Variants in CEP120 observed in about 807,000 individuals in gnomAD.
CEP120 encodes centrosomal protein 120.
In CEP120, 113 loss-of-function variants were observed where a neutral mutation model predicts 126.5. The observed-to-expected ratio is 0.89, with a 90% CI of 0.77 to 1.04. The LOEUF (loss-of-function observed/expected upper bound fraction) is 1.04. CEP120 is among the 50% of genes least tolerant of loss of function. The probability of loss-of-function intolerance (pLI) is 0.00; values close to 1 mark genes in which losing one functional copy is unlikely to be tolerated. For synonymous variants in CEP120, 400 were observed against 394.3 expected, an observed-to-expected ratio of 1.01 and a Z score of -0.17; for missense variants, 1,230 against 1,155.7, an observed-to-expected ratio of 1.06 and a Z score of -0.93.
chr5:123,353,767 C>T (rs2126974933), intron 18 of CEP120, among the ~76,000 whole-genome samples: 1 of 151,924 alleles, frequency 6.6e-6, no homozygotes, highest in East Asian at 1.9e-4. Context: ...ATCCTCTTAT[C>T]TCTGTAAATG....
At position 123,377,425 on chromosome 5, in the gene CEP120, T is replaced by C. The variant is rs1173444646; in HGVS notation, c.2307A>G (p.Glu769=). 6.2e-7 allele frequency: 1 copy of C among 1,611,498 alleles called. No homozygotes were observed. The highest frequency in any genetic ancestry group is 8.5e-7 in the Non-Finnish European group (1 of 1,179,182). The change falls in exon 16 of 20, where the codon GAA becomes GAG. Residue 769 remains glutamate, a synonymous_variant. Transcript: ENST00000306467. The part of the protein sequence containing the change: ...KEDCIHQVEL[E]RLKIKQLEED... ...CTTCGAGCTGTTTGATTTTTAACCT[T>C]TCTAGTTCTACTTGGTGAATACAGT...
intron 7 of CEP120, chr5:123,390,352 T>C: frequency 1.6e-6 from 1 of 629,816 alleles, no homozygotes; most frequent in Non-Finnish European, 2.9e-6. Context: ...CAGAGCTGAA[T>C]ACCAAAATGC....
chr5:123,356,130 G>A (rs987973425), intron 18 of CEP120, among the ~76,000 whole-genome samples: 2 of 152,078 alleles, frequency 1.3e-5, no homozygotes, highest in African/African-American at 4.8e-5. Flanking sequence ...CTGTTCCATT[G>A]GTCTATATCT....
chr5:123,410,544 A>T (rs1773986413), intron 4 of CEP120, among the ~76,000 whole-genome samples: 1 of 152,248 alleles, frequency 6.6e-6, no homozygotes, highest in African/African-American at 2.4e-5. Flanking sequence ...AAGTAAAGTC[A>T]ACTGATCTTT....
chr5:123,386,976 A>G (rs1772074736), intron 9 of CEP120, among the ~76,000 whole-genome samples: 1 of 152,078 alleles, frequency 6.6e-6, no homozygotes, highest in Non-Finnish European at 1.5e-5. Context: ...CTGATTTTTT[A>G]TGGGATAAAA....
intron 16 of CEP120, among the ~76,000 whole-genome samples, chr5:123,373,316 G>T (rs562175519): frequency 5.7e-4 from 87 of 152,048 alleles, no homozygotes; most frequent in African/African-American, 2.0e-3. Context: ...AAAATTACTA[G>T]AAATCCTCAG....
At chr5:123,421,296 G>A (rs569397975) in intron 1 of CEP120, among the ~76,000 whole-genome samples, 4 of 152,142 alleles carry the variant, frequency 2.6e-5, no homozygotes, top group Admixed American at 2.0e-4. Context: ...TGCTCACCCC[G>A]GCACAAGCTA....
chr5:123,346,106 T>C lies in CEP120; in HGVS notation c.*413A>G, dbSNP rs1266493866. 2 of 156,484 alleles carry C rather than the reference T, an allele frequency of 1.3e-5. No individual in the cohort carries two copies. The highest frequency in any genetic ancestry group is 3.8e-4 in the East Asian group (2 of 5,318). The allele number at this position is 156,484 out of a possible 1,614,324, so 9.7% of individuals were successfully genotyped here. On this transcript the variant is annotated 3_prime_UTR_variant, in exon 20 of 20. Coordinates refer to ENST00000306467, the MANE Select transcript of CEP120 (RefSeq NM_001375405.1). ...AACTGGTTACAATTGGTCTCAACTT[T>C]TAAGAATTTACATTCAAATGGAATA...
rs114516612 is a variant in CEP120 at position 123,416,691 on chromosome 5, C to T, written c.207-567G>A. 1.1e-3 allele frequency among the ~76,000 whole-genome samples: 175 copies of T among 152,206 alleles called. 2 individuals carry two copies. Among genetic ancestry groups the T allele is most frequent in the African/African-American group, 4.0e-3 (166 of 41,582 alleles). On this transcript the variant is annotated intron_variant, in intron 2 of 19. Coordinates refer to ENST00000306467, the MANE Select transcript of CEP120 (RefSeq NM_001375405.1). ...CATGTCAACATATTTTACATTCTTT[C>T]ATCTAAGAAGCCATCATGTAGGTCA...
intron 18 of CEP120, among the ~76,000 whole-genome samples, chr5:123,362,001 G>A (rs542825403): frequency 6.6e-6 from 1 of 151,746 alleles, no homozygotes; most frequent in Admixed American, 6.6e-5. Context: ...TATTTATGCT[G>A]CTTCTGATGG....
chr5:123,367,781 T>A (rs1045487494), intron 17 of CEP120, among the ~76,000 whole-genome samples: 1 of 151,854 alleles, frequency 6.6e-6, no homozygotes, highest in Non-Finnish European at 1.5e-5. Context: ...AGTAAAAAAA[T>A]GGGAATATGC....
At chr5:123,351,550 T>G (rs1206325376) in intron 18 of CEP120, among the ~76,000 whole-genome samples, 1 of 152,164 alleles carries the variant, frequency 6.6e-6, no homozygotes, top group Non-Finnish European at 1.5e-5. Context: ...TCAGAGGATA[T>G]AAGAATTACA....
chr5:123,417,138 C>T lies in CEP120; in HGVS notation c.207-1014G>A, dbSNP rs1046575640. 1.9e-4 allele frequency among the ~76,000 whole-genome samples: 29 copies of T among 152,094 alleles called. 1 individual carries two copies. The highest frequency in any genetic ancestry group is 3.2e-3 in the Middle Eastern group (1 of 316). On this transcript the variant is annotated intron_variant, in intron 2 of 19. Coordinates refer to ENST00000306467, the MANE Select transcript of CEP120 (RefSeq NM_001375405.1). ...CAATCAGAGTGGTACTAACCTGGCA[C>T]TAACAAAATGGAAGCCCTAACAGCT...
intron 4 of CEP120, among the ~76,000 whole-genome samples, chr5:123,409,474 T>C (rs1178481113): frequency 6.7e-6 from 1 of 149,342 alleles, no homozygotes; most frequent in Non-Finnish European, 1.5e-5. Context: ...AGAAATATAA[T>C]TCATCAGGTA....
intron 18 of CEP120, among the ~76,000 whole-genome samples, chr5:123,363,703 A>G (rs1353557434): frequency 1.3e-5 from 2 of 151,554 alleles, no homozygotes; most frequent in Non-Finnish European, 3.0e-5. Flanking sequence ...AGCATTTAGT[A>G]TAATACCATA....
chr5:123,400,201 T>C (rs921508903), intron 4 of CEP120, among the ~76,000 whole-genome samples: 32 of 152,212 alleles, frequency 2.1e-4, no homozygotes, highest in African/African-American at 7.7e-4. Flanking sequence ...AGAGCACAGA[T>C]ATCTAAGTCG....
chr5:123,346,691 T>C lies in CEP120; in HGVS notation c.2789A>G (p.Asp930Gly). 1 of 1,613,538 alleles carries C rather than the reference T, an allele frequency of 6.2e-7. No individual in the cohort carries two copies. Among genetic ancestry groups the C allele is most frequent in the Non-Finnish European group, 8.5e-7 (1 of 1,179,886 alleles). The change falls in exon 20 of 20, where the codon GAT (aspartate) becomes GGT (glycine). Residue 930 changes from aspartate (D) to glycine (G), a missense_variant. By Grantham distance (94) the Asp-to-Gly change is moderately conservative (BLOSUM62 -1). Transcript: ENST00000306467. ...DSTEIASGKK[D>G]GPHGSVLEEG... Reference sequence around the variant, plus strand: ...TTCCAATACACTGCCATGGGGGCCATCCTTTTTTCCACTTGCAATCTCTGT... The same window carrying C: ...TTCCAATACACTGCCATGGGGGCCACCCTTTTTTCCACTTGCAATCTCTGT...
intron 4 of CEP120, among the ~76,000 whole-genome samples, chr5:123,410,833 C>T (rs1370442871): frequency 6.6e-6 from 1 of 152,130 alleles, no homozygotes; most frequent in Admixed American, 6.5e-5. Flanking sequence ...AACTCATAAG[C>T]CGGACTTCAT....
At chr5:123,402,367 C>A (rs62376439) in intron 4 of CEP120, 286,690 of 1,373,020 alleles carry the variant, frequency 0.21, 32,048 homozygotes, top group Middle Eastern at 0.26. Context: ...TGGAGGCAGG[C>A]GGGCCGAACC....
Sources: allele counts gnomAD v4.1 joint callset (sites outside exome capture counted in the v4.1 genomes callset), GRCh38; gene constraint gnomAD v4.1.1; transcripts MANE v1.5; gene names NCBI Gene and HGNC (gene_info 2026-07-23, HGNC 2026-07-21).